KMO: variants seen among roughly 807,000 people sequenced by gnomAD.
The protein encoded by KMO is kynurenine 3-monooxygenase.
KMO carries 24 observed loss-of-function variants against 57.8 expected under a neutral mutation model. The ratio of observed to expected loss-of-function variants is 0.42; its 90% CI spans 0.30 to 0.58. The LOEUF (loss-of-function observed/expected upper bound fraction) is 0.58. Among genes scored for constraint, KMO ranks in the 20% least tolerant of loss-of-function variants. The pLI is 0.22. For missense variants in KMO, 483 were observed against 588.2 expected, an observed-to-expected ratio of 0.82 and a Z score of 1.85; for synonymous variants, 210 against 193.6, an observed-to-expected ratio of 1.08 and a Z score of -0.70.
intron 2 of KMO, among the ~76,000 whole-genome samples, chr1:241,549,276 A>AGTCG (rs1299128822): frequency 1.6e-5 from 2 of 122,252 alleles, no homozygotes; most frequent in South Asian, 2.8e-4. Flanking sequence ...AAAGGAAGGA[A>AGTCG]GAAAGAAAGA....
chr1:241,581,374 C>T (rs1662745101), intron 10 of KMO, among the ~76,000 whole-genome samples: 3 of 152,048 alleles, frequency 2.0e-5, no homozygotes, highest in Admixed American at 2.0e-4. Context: ...ACAGTTACTT[C>T]TTTTCTGGTT....
chr1:241,541,053 C>G (rs1660940890), intron 1 of KMO, among the ~76,000 whole-genome samples: 2 of 152,012 alleles, frequency 1.3e-5, no homozygotes, highest in African/African-American at 4.8e-5. Flanking sequence ...AGAACAAGAC[C>G]CTGTCTAAAA....
intron 1 of KMO, among the ~76,000 whole-genome samples, chr1:241,539,249 C>A (rs1444846598): frequency 6.6e-6 from 1 of 151,974 alleles, no homozygotes; most frequent in Non-Finnish European, 1.5e-5. Context: ...CCAGGCATGG[C>A]AGTGTGTGCC....
At chr1:241,566,419 T>G in intron 8 of KMO, 72 bp from the exon 9 acceptor site, 2 of 1,520,830 alleles carry the variant, frequency 1.3e-6, no homozygotes, top group South Asian at 2.6e-5. Flanking sequence ...AGTCTTGTGA[T>G]TTCAGGAGCC....
chr1:241,552,268 G>A (rs532339031), intron 4 of KMO, among the ~76,000 whole-genome samples: 1 of 151,920 alleles, frequency 6.6e-6, no homozygotes, highest in Non-Finnish European at 1.5e-5. Flanking sequence ...GGCCTTCAAT[G>A]CATTACAAGG....
Position 241,566,569 on chromosome 1 carries a change from T to A in KMO, c.766T>A (p.Phe256Ile). 1 of 1,613,784 alleles carries A rather than the reference T, an allele frequency of 6.2e-7. No individual in the cohort carries two copies. The highest frequency in any genetic ancestry group is 1.1e-5 in the South Asian group (1 of 91,040). Residue 256 changes from phenylalanine to isoleucine, a missense_variant, in exon 9 of 15, where the codon TTC becomes ATC. Around this residue, in one of 3 missense-constraint regions of KMO, gnomAD observed 410 missense variants for 492.3 expected, o/e 0.83. Coordinates refer to ENST00000366559, the MANE Select transcript of KMO (RefSeq NM_003679.5). Reference sequence around the variant, plus strand: ...TCTAACCAGTAATGATGTGGTAGATTTCTTCCAGAAATACTTTCCGGATGC... The same window carrying A: ...TCTAACCAGTAATGATGTGGTAGATATCTTCCAGAAATACTTTCCGGATGC... The part of the protein sequence containing the change: ...KLLTSNDVVD[F>I]FQKYFPDAIP...
At position 241,593,464 on chromosome 1, in the gene KMO, T is replaced by G; in HGVS notation, c.*1311T>G. 2.8e-6 allele frequency: 1 copy of G among 354,120 alleles called. No homozygotes were observed. 21.9% of individuals were successfully genotyped at this position (354,120 alleles called of 1,614,324 possible). A position where few individuals can be genotyped will look rare whatever the true frequency, so the allele number is the denominator to read the frequency against. On this transcript the variant is annotated 3_prime_UTR_variant, in exon 15 of 15. Transcript: ENST00000366559. ...AAATTGGGCAATAAAATAAAATGAT[T>G]CAGTGTTTCTTTTCTATATTGTCAA...
At position 241,592,204 on chromosome 1, in the gene KMO, A is replaced by C. The variant is rs770300089; in HGVS notation, c.*51A>C. ...CATGATTTCTCTGTGACCAAAATTA[A>C]GCATGAAAAAAATGTTTCCATTGCC... On this transcript the variant is annotated 3_prime_UTR_variant, in exon 15 of 15. Coordinates refer to ENST00000366559, the MANE Select transcript of KMO (RefSeq NM_003679.5). 3.5e-6 allele frequency: 5 copies of C among 1,413,010 alleles called. No individual in the cohort carries two copies. The South Asian group carries it at 5.9e-5, about 17-fold the overall frequency. The allele number at this position is 1,413,010 out of a possible 1,614,324, so 87.5% of individuals were successfully genotyped here. A position where few individuals can be genotyped will look rare whatever the true frequency, so the allele number is the denominator to read the frequency against.
chr1:241,562,898 GGAAGGAAGGAAGGAAGGAAA>G (rs745383194), intron 7 of KMO, among the ~76,000 whole-genome samples: 12,296 of 75,664 alleles, frequency 0.16, 795 homozygotes, highest in Non-Finnish European at 0.18. Context: ...AAGGAAGGAA[GGAAGGAAGGAAGGAAGGAAA>G]GAAGGAAGGA....
At chr1:241,568,447 A>G (rs1662160030) in intron 9 of KMO, 53 bp from the exon 10 acceptor site, 1 of 1,527,614 alleles carries the variant, frequency 6.5e-7, no homozygotes, top group Non-Finnish European at 9.0e-7. Context: ...AGAATTTAGC[A>G]GGATTTAATA....
intron 3 of KMO, 164 bp downstream of exon 3, chr1:241,549,938 A>C: frequency 3.5e-6 from 2 of 571,036 alleles, no homozygotes; most frequent in South Asian, 4.4e-5. Flanking sequence ...CAAGAGGGTG[A>C]ACATTGGACA....
At chr1:241,576,696 G>A (rs1361723562) in intron 10 of KMO, among the ~76,000 whole-genome samples, 3 of 98,252 alleles carry the variant, frequency 3.1e-5, no homozygotes, top group Non-Finnish European at 6.9e-5. Context: ...CCTTCATGTT[G>A]ACTTTAGATA....
chr1:241,566,963 G>A (rs562726118), intron 9 of KMO, among the ~76,000 whole-genome samples: 77 of 152,222 alleles, frequency 5.1e-4, no homozygotes, highest in Non-Finnish European at 8.4e-4. Flanking sequence ...AGATACATCC[G>A]GCAGCCTCAG....
rs1663209911 is a variant in KMO, at chr1:241,590,296, T to C, written c.1260+33T>C. On this transcript the variant is annotated intron_variant, in intron 14 of 14. Coordinates refer to ENST00000366559, the MANE Select transcript of KMO (RefSeq NM_003679.5). Reference sequence around the variant, plus strand: ...CAGTTACATTTTATTTATTTTTTAATGTGGTGTTTTGAAATGTCATAGTAT... The same window carrying C: ...CAGTTACATTTTATTTATTTTTTAACGTGGTGTTTTGAAATGTCATAGTAT... The C allele has an allele frequency of 6.6e-6, 10 of 1,510,246 alleles. No individual in the cohort carries two copies. In the Admixed American group the frequency reaches 1.5e-4, roughly 23 times the overall value. 93.6% of individuals were successfully genotyped at this position (1,510,246 alleles called of 1,614,324 possible). A position where few individuals can be genotyped will look rare whatever the true frequency, so the allele number is the denominator to read the frequency against.
At position 241,550,963 on chromosome 1, in the gene KMO, C is replaced by T. The variant is rs768828128; in HGVS notation, c.231C>T (p.Ser77=). ...KAVGLEDQIV[S]QGIPMRARMI... ...TTCTGGTTTCATTTCAGATTGTATC[C>T]CAAGGTATTCCCATGAGAGCAAGAA... The change falls in exon 4 of 15, where the codon TCC becomes TCT. Residue 77 remains serine (S), a synonymous_variant. Coordinates refer to ENST00000366559, the MANE Select transcript of KMO (RefSeq NM_003679.5). 8 of 1,517,044 alleles carry T rather than the reference C, an allele frequency of 5.3e-6. No individual in the cohort carries two copies. In the East Asian group the frequency reaches 1.3e-4, roughly 24 times the overall value. 94.0% of individuals were successfully genotyped at this position (1,517,044 alleles called of 1,614,324 possible). A position where few individuals can be genotyped will look rare whatever the true frequency, so the allele number is the denominator to read the frequency against.
chr1:241,539,038 T>C (rs76990342), intron 1 of KMO, among the ~76,000 whole-genome samples: 1 of 152,136 alleles, frequency 6.6e-6, no homozygotes, highest in Non-Finnish European at 1.5e-5. Flanking sequence ...TAAGCCGGTA[T>C]TTTTTTCCTG....
At chr1:241,575,734 T>A (rs981795085) in intron 10 of KMO, among the ~76,000 whole-genome samples, 1 of 152,090 alleles carries the variant, frequency 6.6e-6, no homozygotes. Context: ...ATGAGAAGAA[T>A]GTACATTCTG....
rs200371332 is a variant in KMO at position 241,549,539 on chromosome 1, T to C, written c.125-138T>C. The C allele has an allele frequency of 2.8e-5, 12 of 434,800 alleles. No individual in the cohort carries two copies. In the East Asian group the frequency reaches 3.8e-4, roughly 14 times the overall value. The allele number at this position is 434,800 out of a possible 1,614,324, so 26.9% of individuals were successfully genotyped here. On this transcript the variant is annotated intron_variant, in intron 2 of 14. Transcript: ENST00000366559. ...TTAATTTAATATAAAGTTACTGCTA[T>C]TAGCATTTTCTTTAGAAGAGTTAAG...
intron 1 of KMO, among the ~76,000 whole-genome samples, chr1:241,537,835 A>G (rs1488091538): frequency 6.6e-6 from 1 of 152,156 alleles, no homozygotes; most frequent in Non-Finnish European, 1.5e-5. Flanking sequence ...CAATCCCATG[A>G]TTCAATTACC....
Sources: gnomAD v4.1 joint callset for allele counts (sites outside exome capture counted in the v4.1 genomes callset) on GRCh38, gnomAD v4.1.1 for gene constraint, gnomAD v4.1.1 regional missense constraint, MANE v1.5 for transcripts, NCBI Gene and HGNC (gene_info 2026-07-23, HGNC 2026-07-21) for gene names.